The following OSBPL1A variants were observed in gnomAD, a reference collection of about 807,000 sequenced individuals.
The protein encoded by OSBPL1A is oxysterol binding protein like 1A, also known as oxysterol-binding protein-related protein 1.
OSBPL1A carries 80 observed loss-of-function variants against 137.1 expected under a neutral mutation model. The ratio of observed to expected loss-of-function variants is 0.58; its 90% CI spans 0.49 to 0.70. The LOEUF (loss-of-function observed/expected upper bound fraction) is 0.70. OSBPL1A is among the 30% of genes least tolerant of loss of function. OSBPL1A has a pLI of 0.00. For synonymous variants in OSBPL1A, 365 were observed against 389.7 expected, an observed-to-expected ratio of 0.94 and a Z score of 0.75; for missense variants, 970 against 1,129.4, an observed-to-expected ratio of 0.86 and a Z score of 2.02.
intron 7 of OSBPL1A, among the ~76,000 whole-genome samples, chr18:24,319,973 T>C (rs1304688444): frequency 7.0e-6 from 1 of 141,972 alleles, no homozygotes; most frequent in African/African-American, 2.6e-5. Flanking sequence ...AGTGAGACCT[T>C]ATCTCTACAA....
chr18:24,365,039 A>C (rs1599719123), intron 4 of OSBPL1A, among the ~76,000 whole-genome samples: 1 of 151,806 alleles, frequency 6.6e-6, no homozygotes, highest in Admixed American at 6.6e-5. Context: ...AAAAAAAAAA[A>C]AAAAAAAAAT....
chr18:24,367,228 T>TTATATATATATATATATATATA (rs35876308), intron 3 of OSBPL1A, among the ~76,000 whole-genome samples: 60 of 147,148 alleles, frequency 4.1e-4, no homozygotes, highest in African/African-American at 1.2e-3. Flanking sequence ...AGACTCCATC[T>TTATATATATATATATATATATA]TATATATATA....
Position 24,196,161 on chromosome 18 carries a change from G to A in OSBPL1A, c.1641C>T (p.Phe547=). The change falls in exon 18 of 28, where the codon TTC becomes TTT. Residue 547 remains phenylalanine, a synonymous_variant. Transcript: ENST00000319481. ...ATTTTCTGAGGATGCTCCAGATACTGAAGTCATTTCTGGAAAACATAGGAG... is the reference window on the plus strand; with the variant it reads ...ATTTTCTGAGGATGCTCCAGATACTAAAGTCATTTCTGGAAAACATAGGAG... ...LPSPMFSRND[F]SIWSILRKCI... 1 of 1,611,484 alleles carries A rather than the reference G, an allele frequency of 6.2e-7. No individual in the cohort carries two copies. Among genetic ancestry groups the A allele is most frequent in the Non-Finnish European group, 8.5e-7 (1 of 1,179,500 alleles).
intron 4 of OSBPL1A, among the ~76,000 whole-genome samples, chr18:24,343,075 T>A (rs2091296481): frequency 6.6e-6 from 1 of 151,402 alleles, no homozygotes; most frequent in Admixed American, 6.6e-5. Flanking sequence ...GAAAAAAAAA[T>A]TTACAAATAC....
At chr18:24,288,102 G>T (rs942399493) in intron 14 of OSBPL1A, among the ~76,000 whole-genome samples, 1 of 152,210 alleles carries the variant, frequency 6.6e-6, no homozygotes, top group African/African-American at 2.4e-5. Context: ...TGCTATGGTA[G>T]ACAAAGTGCA....
chr18:24,242,048 T>C (rs566970224), intron 15 of OSBPL1A, among the ~76,000 whole-genome samples: 2 of 151,858 alleles, frequency 1.3e-5, no homozygotes, highest in Non-Finnish European at 2.9e-5. Flanking sequence ...ACACCGAATG[T>C]TCTCACTCTT....
rs1017021857 is a variant in OSBPL1A, at chr18:24,327,871, G to GT, written c.625+5070dup. 3.1e-3 allele frequency among the ~76,000 whole-genome samples: 460 copies of GT among 146,620 alleles called. 1 individual carries two copies. The highest frequency in any genetic ancestry group is 7.7e-3 in the African/African-American group (308 of 40,240). ...TAACTTTTCAATATTTACAAGGGAA[G>GT]TTTTTTTTTTTCCATTTAGACTGGT... On this transcript the variant is annotated intron_variant, in intron 7 of 27. Coordinates refer to ENST00000319481, the MANE Select transcript of OSBPL1A (RefSeq NM_080597.4).
intron 1 of OSBPL1A, among the ~76,000 whole-genome samples, chr18:24,381,346 A>C (rs1371160720): frequency 6.6e-6 from 1 of 152,230 alleles, no homozygotes; most frequent in East Asian, 1.9e-4. Flanking sequence ...GTGGAAGATG[A>C]GGAACCTGAT....
At chr18:24,300,334 C>G (rs2146098570) in intron 14 of OSBPL1A, among the ~76,000 whole-genome samples, 2 of 152,294 alleles carry the variant, frequency 1.3e-5, no homozygotes, top group Admixed American at 1.3e-4. Flanking sequence ...AGGCTGTGGC[C>G]AGACTATGAA....
At chr18:24,337,810 C>T (rs2091201070) in intron 5 of OSBPL1A, among the ~76,000 whole-genome samples, 2 of 151,204 alleles carry the variant, frequency 1.3e-5, no homozygotes, top group East Asian at 1.9e-4. Flanking sequence ...TTCCTGAAAT[C>T]GAGCACTATA....
chr18:24,171,241 G>A lies in OSBPL1A; in HGVS notation c.2291+168C>T, dbSNP rs577113126. Among the ~76,000 whole-genome samples the A allele has an allele frequency of 5.3e-5, 8 of 150,784 alleles. No homozygotes were observed. In the East Asian group the frequency reaches 8.0e-4, roughly 15 times the overall value. On this transcript the variant is annotated intron_variant, in intron 23 of 27. Coordinates refer to ENST00000319481, the MANE Select transcript of OSBPL1A (RefSeq NM_080597.4). ...AGTAGAGATGGGGTTTTACTATGTT[G>A]GCCAGGCTGGTCTTGAACCTGACCT...
chr18:24,358,393 TACTTG>T, intron 4 of OSBPL1A: 2 of 692,330 alleles, frequency 2.9e-6, no homozygotes, highest in Non-Finnish European at 5.3e-6. Context: ...CCGGCAGCAC[TACTTG>T]ACTTGTCCAC....
intron 15 of OSBPL1A, among the ~76,000 whole-genome samples, chr18:24,248,811 T>A (rs1410210730): frequency 6.6e-6 from 1 of 152,176 alleles, no homozygotes; most frequent in Non-Finnish European, 1.5e-5. Context: ...CTTGGAAGAA[T>A]CAATATAAAC....
chr18:24,192,057 G>A (rs911251643), intron 18 of OSBPL1A, among the ~76,000 whole-genome samples: 1 of 152,118 alleles, frequency 6.6e-6, no homozygotes. Flanking sequence ...TATTCCTGAT[G>A]TACCAGACCT....
chr18:24,382,379 C>T (rs1906657973), intron 1 of OSBPL1A, among the ~76,000 whole-genome samples: 1 of 148,048 alleles, frequency 6.8e-6, no homozygotes, highest in Admixed American at 6.8e-5. Context: ...CGCACTCTAG[C>T]CTGGGCAACA....
chr18:24,393,446 ATTTATT>A (rs768857310), intron 1 of OSBPL1A, among the ~76,000 whole-genome samples: 13 of 152,020 alleles, frequency 8.6e-5, no homozygotes, highest in Non-Finnish European at 1.6e-4. Flanking sequence ...ATTTTTATTT[ATTTATT>A]TTTATTTTTA....
chr18:24,342,717 A>C (rs139013749), intron 4 of OSBPL1A, among the ~76,000 whole-genome samples: 42 of 152,290 alleles, frequency 2.8e-4, no homozygotes, highest in African/African-American at 1.0e-3. Flanking sequence ...TGACCACTAT[A>C]AACATTTTGG....
At chr18:24,337,533 T>G (rs1020926793) in intron 5 of OSBPL1A, among the ~76,000 whole-genome samples, 2 of 142,510 alleles carry the variant, frequency 1.4e-5, no homozygotes, top group Non-Finnish European at 3.0e-5. Flanking sequence ...ATCACACCAC[T>G]GCACTCCAGC....
At chr18:24,278,188 A>C (rs1475841830) in intron 15 of OSBPL1A, among the ~76,000 whole-genome samples, 1 of 152,248 alleles carries the variant, frequency 6.6e-6, no homozygotes, top group Non-Finnish European at 1.5e-5. Flanking sequence ...TGAAGACAAC[A>C]AGGTTCAGAG....
Sources: gnomAD v4.1 joint callset for allele counts (sites outside exome capture counted in the v4.1 genomes callset) on GRCh38, gnomAD v4.1.1 for gene constraint, MANE v1.5 for transcripts, NCBI Gene and HGNC (gene_info 2026-07-23, HGNC 2026-07-21) for gene names.